Variants in MPHOSPH8 observed in about 807,000 individuals in gnomAD.
The protein encoded by MPHOSPH8 is M-phase phosphoprotein 8, also known as M-phase phosphoprotein, mpp.
Under a neutral mutation model 87.3 loss-of-function variants are expected in MPHOSPH8, and 45 were observed. The observed-to-expected ratio is 0.52, with a 90% CI of 0.41 to 0.66. The LOEUF is 0.66. Ranked by LOEUF, MPHOSPH8 falls within the 30% of genes least tolerant of loss-of-function variation. The pLI, the probability that MPHOSPH8 is intolerant of heterozygous loss-of-function variation, is 0.00. For synonymous variants in MPHOSPH8, 366 were observed against 376.9 expected (o/e 0.97, Z 0.33); for missense variants, 883 against 1,020.2 (o/e 0.87, Z 1.83).
chr13:19,650,032 T>A lies in MPHOSPH8; in HGVS notation c.1348T>A (p.Leu450Ile). Residue 450 changes from leucine (L) to isoleucine (I), a missense_variant, in exon 5 of 14, where the codon TTA becomes ATA. Coordinates refer to ENST00000361479, the MANE Select transcript of MPHOSPH8 (RefSeq NM_017520.4). Reference protein sequence around the residue: ...TLKEIRNAFDLFKLTPEEKND... With the variant: ...TLKEIRNAFDIFKLTPEEKND... ...TAAGGAAATCAGAAATGCATTTGAT[T>A]TATTTAAATTAACTCCAGAAGAAAA... 6.3e-7 allele frequency: 1 copy of A among 1,599,198 alleles called. No homozygotes were observed. The highest frequency in any genetic ancestry group is 8.5e-7 in the Non-Finnish European group (1 of 1,173,084).
chr13:19,660,810 G>C, intron 7 of MPHOSPH8: 2 of 436,912 alleles, frequency 4.6e-6, no homozygotes, highest in Non-Finnish European at 6.1e-6. Context: ...TGTAACTCCA[G>C]TCATTTAATG....
chr13:19,636,771 C>T (rs1874032434), intron 1 of MPHOSPH8, among the ~76,000 whole-genome samples: 2 of 152,110 alleles, frequency 1.3e-5, no homozygotes, highest in South Asian at 4.1e-4. Context: ...GCCACTGTGC[C>T]AGGCCAATTT....
Position 19,638,890 on chromosome 13 carries a change from C to T in MPHOSPH8, c.214-3225C>T, listed in dbSNP as rs1046207627. 2.0e-5 allele frequency among the ~76,000 whole-genome samples: 3 copies of T among 151,826 alleles called. 1 individual carries two copies. The highest frequency in any genetic ancestry group is 3.9e-4 in the East Asian group (2 of 5,088). ...TTGAGGTCAGGAGTTCAAGACCAGC[C>T]TGGCCAACATGGTGAAACCCCATCT... On this transcript the variant is annotated intron_variant, in intron 1 of 13. Transcript: ENST00000361479.
In MPHOSPH8 at chr13:19,650,060, A is replaced by T. The variant is rs762723818; in HGVS notation, c.1376A>T (p.Asn459Ile). The change falls in exon 5 of 14, where the codon AAT becomes ATT. Residue 459 changes from asparagine (N) to isoleucine (I), a missense_variant. Around this residue, in one of 3 missense-constraint regions of MPHOSPH8, gnomAD observed 741 missense variants for 841.5 expected, o/e 0.88. Coordinates refer to ENST00000361479, the MANE Select transcript of MPHOSPH8 (RefSeq NM_017520.4). The stretch of plus-strand genomic sequence containing the variant: ...TTTAAATTAACTCCAGAAGAAAAAA[A>T]TGATGTTTCTGAGAATAATCGGAAA... ...DLFKLTPEEK[N>I]DVSENNRKRE... 2.2e-5 allele frequency: 36 copies of T among 1,609,524 alleles called. No homozygotes were observed. Among genetic ancestry groups the T allele is most frequent in the Non-Finnish European group, 1.2e-5 (14 of 1,178,126 alleles).
chr13:19,634,012 CG>C (rs1565930092), intron 1 of MPHOSPH8, 51 bp downstream of exon 1: 13 of 1,559,124 alleles, frequency 8.3e-6, no homozygotes, highest in Non-Finnish European at 1.1e-5. Context: ...CCGGGCCTGG[CG>C]GGGAGGACGC....
intron 9 of MPHOSPH8, among the ~76,000 whole-genome samples, chr13:19,665,925 G>T (rs764147303): frequency 2.0e-5 from 3 of 152,274 alleles, no homozygotes; most frequent in Admixed American, 2.0e-4. Context: ...CCTTTAAAGC[G>T]GCAGCTGGGG....
intron 9 of MPHOSPH8, among the ~76,000 whole-genome samples, chr13:19,664,376 C>T (rs948191825): frequency 2.6e-5 from 4 of 152,132 alleles, no homozygotes; most frequent in Admixed American, 2.6e-4. Context: ...ACTGCAGCCA[C>T]GCAGGTGCAT....
At chr13:19,660,671 T>A (rs1875475901) in intron 7 of MPHOSPH8, among the ~76,000 whole-genome samples, 1 of 152,212 alleles carries the variant, frequency 6.6e-6, no homozygotes, top group Admixed American at 6.5e-5. Context: ...ACGTTGCACA[T>A]TTCCTATAGA....
chr13:19,659,399 C>A, intron 7 of MPHOSPH8, 110 bp downstream of exon 7: 1 of 890,844 alleles, frequency 1.1e-6, no homozygotes, highest in South Asian at 1.7e-5. Context: ...CGTGGTGGTG[C>A]ACACCTGTAA....
rs937396633 is a variant in MPHOSPH8, at chr13:19,644,114, A to AT, written c.369+1853dup. 2.7e-4 allele frequency among the ~76,000 whole-genome samples: 41 copies of AT among 151,354 alleles called. No individual in the cohort carries two copies. The South Asian group carries it at 4.4e-3, about 16-fold the overall frequency. ...TGTTTAATGTTCAGAAGTTACTTGA[A>AT]TTTTTTTTTCTGTGTGGTTATCAAT... On this transcript the variant is annotated intron_variant, in intron 2 of 13. Coordinates refer to ENST00000361479, the MANE Select transcript of MPHOSPH8 (RefSeq NM_017520.4).
chr13:19,659,080 GA>G lies in MPHOSPH8; in HGVS notation c.1665del (p.Asp556MetfsTer15). On this transcript the variant is annotated frameshift_variant, in exon 6 of 14. Transcript: ENST00000361479. LOFTEE classifies it high-confidence loss of function. ...AAGATTTCCAAAAGCACCTTGATGG[GA>G]AAGATGAGAATTTTGCTGCAACAGA... ...LEDFQKHLDGKDENFAATDAI... is the reference protein window; with the variant it reads ...LEDFQKHLDGXDENFAATDAI... 1 of 1,614,180 alleles carries G rather than the reference GA, an allele frequency of 6.2e-7. No homozygotes were observed. Among genetic ancestry groups the G allele is most frequent in the Non-Finnish European group, 8.5e-7 (1 of 1,180,032 alleles).
In MPHOSPH8 at chr13:19,642,884, A is replaced by G. The variant is rs541654964; in HGVS notation, c.369+614A>G. Among the ~76,000 whole-genome samples the G allele has an allele frequency of 2.0e-5, 3 of 152,302 alleles. No individual in the cohort carries two copies. In the South Asian group the frequency reaches 6.2e-4, roughly 32 times the overall value. On this transcript the variant is annotated intron_variant, in intron 2 of 13. Coordinates refer to ENST00000361479, the MANE Select transcript of MPHOSPH8 (RefSeq NM_017520.4). ...CTGTGTGTAGTAGTTGTTAATAATA[A>G]TAGCAATAACAGAAGTGCCTGGCAT...
intron 5 of MPHOSPH8, among the ~76,000 whole-genome samples, chr13:19,657,226 G>A (rs1875238818): frequency 6.9e-6 from 1 of 144,616 alleles, no homozygotes; most frequent in Non-Finnish European, 1.5e-5. Context: ...TTAGAAAACA[G>A]TTTTAGGGTC....
intron 9 of MPHOSPH8, among the ~76,000 whole-genome samples, chr13:19,664,158 T>G (rs1875696659): frequency 6.6e-6 from 1 of 152,182 alleles, no homozygotes; most frequent in Non-Finnish European, 1.5e-5. Context: ...TTTTTCTTAT[T>G]AGAGACAAGG....
intron 4 of MPHOSPH8, among the ~76,000 whole-genome samples, chr13:19,649,617 A>G (rs2137515572): frequency 6.6e-6 from 1 of 152,272 alleles, no homozygotes; most frequent in Middle Eastern, 3.4e-3. Flanking sequence ...TTGCCACCAG[A>G]AGCCATTTTG....
At position 19,670,374 on chromosome 13, in the gene MPHOSPH8, CTG is replaced by C. The variant is rs1876057406; in HGVS notation, c.2457+13_2457+14del. On this transcript the variant is annotated intron_variant, in intron 12 of 13. Transcript: ENST00000361479. The stretch of plus-strand genomic sequence containing the variant: ...CTTCCTGTTTTTCTGGTAAGATACT[CTG>C]TATTTCACTACTGAAAAGTACATTC... The C allele has an allele frequency of 2.5e-6, 4 of 1,611,760 alleles. No individual in the cohort carries two copies. The highest frequency in any genetic ancestry group is 3.4e-6 in the Non-Finnish European group (4 of 1,178,496).
chr13:19,664,675 G>C (rs910091766), intron 9 of MPHOSPH8, among the ~76,000 whole-genome samples: 1 of 152,092 alleles, frequency 6.6e-6, no homozygotes, highest in African/African-American at 2.4e-5. Context: ...GTGCCCACTT[G>C]GTAAGAGCTT....
chr13:19,669,672 C>T (rs1309040256), intron 11 of MPHOSPH8, among the ~76,000 whole-genome samples: 1 of 151,952 alleles, frequency 6.6e-6, no homozygotes, highest in Non-Finnish European at 1.5e-5. Flanking sequence ...TGATACCCAG[C>T]TAAATTTTGT....
chr13:19,640,589 T>C (rs556829994), intron 1 of MPHOSPH8, among the ~76,000 whole-genome samples: 36 of 152,192 alleles, frequency 2.4e-4, no homozygotes, highest in African/African-American at 8.7e-4. Flanking sequence ...CAGGCTGGCT[T>C]CGAACTCCTG....
Sources: allele counts gnomAD v4.1 joint callset (sites outside exome capture counted in the v4.1 genomes callset), GRCh38; gene constraint gnomAD v4.1.1; regional missense constraint gnomAD v4.1.1; transcripts MANE v1.5; gene names NCBI Gene and HGNC (gene_info 2026-07-23, HGNC 2026-07-21).